The following CHCHD3 variants were observed in gnomAD, a reference collection of about 807,000 sequenced individuals.
CHCHD3 encodes the protein coiled-coil-helix-coiled-coil-helix domain containing 3, also known as MICOS complex subunit MIC19.
CHCHD3 carries 20 observed loss-of-function variants against 38.2 expected under a neutral mutation model. The observed-to-expected ratio is 0.52, with a 90% CI of 0.37 to 0.76. The LOEUF (loss-of-function observed/expected upper bound fraction) is 0.76, where lower values mean the gene tolerates loss of function less well. Ranked by LOEUF, CHCHD3 falls within the 30% of genes least tolerant of loss-of-function variation. The pLI is 0.00. For missense variants in CHCHD3, 245 were observed against 279.2 expected (o/e 0.88, Z 0.87); for synonymous variants, 82 against 100.0 (o/e 0.82, Z 1.07).
At chr7:132,799,442 G>A (rs1400336268) in intron 6 of CHCHD3, among the ~76,000 whole-genome samples, 5 of 152,156 alleles carry the variant, frequency 3.3e-5, no homozygotes, top group Admixed American at 6.5e-5. Flanking sequence ...CATTCCTGCT[G>A]ATGGAAAAAG....
At chr7:132,897,205 A>G (rs1809522833) in intron 4 of CHCHD3, among the ~76,000 whole-genome samples, 1 of 152,216 alleles carries the variant, frequency 6.6e-6, no homozygotes, top group African/African-American at 2.4e-5. Context: ...TTTACCATGG[A>G]GATTAAAAAT....
intron 5 of CHCHD3, among the ~76,000 whole-genome samples, chr7:132,882,461 CTATATATATATATATATATATATATATA>C: frequency 7.4e-6 from 1 of 135,038 alleles, no homozygotes; most frequent in African/African-American, 2.7e-5. Context: ...ACAATATATT[CTATATATATATATATATATATATATATA>C]TATATATATA....
chr7:132,987,577 G>A (rs1812154262), intron 3 of CHCHD3, among the ~76,000 whole-genome samples: 1 of 152,208 alleles, frequency 6.6e-6, no homozygotes, highest in African/African-American at 2.4e-5. Context: ...ACGATGAGAA[G>A]ATGTAGAAGA....
At chr7:132,830,820 C>T (rs914944494) in intron 6 of CHCHD3, 3 of 152,126 alleles carry the variant, frequency 2.0e-5, no homozygotes, top group African/African-American at 4.8e-5. Context: ...CTTCTAAAGA[C>T]GTAATTGTAA....
chr7:132,930,513 T>C (rs1810488707), intron 4 of CHCHD3, among the ~76,000 whole-genome samples: 1 of 152,148 alleles, frequency 6.6e-6, no homozygotes, highest in Non-Finnish European at 1.5e-5. Flanking sequence ...CTCCCACATA[T>C]AATCTCATCA....
At chr7:132,923,533 G>C (rs989581303) in intron 4 of CHCHD3, among the ~76,000 whole-genome samples, 1 of 151,902 alleles carries the variant, frequency 6.6e-6, no homozygotes, top group Non-Finnish European at 1.5e-5. Context: ...CGTTGAATAA[G>C]ATTTTTTCAA....
At chr7:133,054,262 T>C (rs1814249172) in intron 2 of CHCHD3, among the ~76,000 whole-genome samples, 1 of 152,188 alleles carries the variant, frequency 6.6e-6, no homozygotes, top group Admixed American at 6.5e-5. Flanking sequence ...TGTCCAAATA[T>C]ATCCAACAAC....
At chr7:133,039,607 T>G (rs551629019) in intron 2 of CHCHD3, among the ~76,000 whole-genome samples, 9 of 152,342 alleles carry the variant, frequency 5.9e-5, no homozygotes, top group African/African-American at 1.4e-4. Context: ...TTTTCCGCAC[T>G]TGAAGTCTTG....
At chr7:132,973,669 T>C (rs1478419251) in intron 4 of CHCHD3, 2 of 1,025,168 alleles carry the variant, frequency 2.0e-6, no homozygotes, top group African/African-American at 3.4e-5. Flanking sequence ...GATTTGTCAC[T>C]GAAGAAACTG....
At chr7:132,853,092 C>G (rs559750663) in intron 5 of CHCHD3, among the ~76,000 whole-genome samples, 1 of 152,284 alleles carries the variant, frequency 6.6e-6, no homozygotes, top group South Asian at 2.1e-4. Context: ...AAAATACGCA[C>G]CTCTCATAAA....
chr7:133,055,526 C>T (rs1814300303), intron 2 of CHCHD3, among the ~76,000 whole-genome samples: 1 of 144,084 alleles, frequency 6.9e-6, no homozygotes. Flanking sequence ...ATAATTGTTA[C>T]ATATTTAATT....
intron 4 of CHCHD3, among the ~76,000 whole-genome samples, chr7:132,936,074 T>C (rs1189399867): frequency 6.6e-6 from 1 of 152,136 alleles, no homozygotes; most frequent in Non-Finnish European, 1.5e-5. Context: ...TAAATTTTGA[T>C]GTGAGTTTTA....
chr7:132,963,253 C>T (rs907381513), intron 4 of CHCHD3, among the ~76,000 whole-genome samples: 2 of 145,696 alleles, frequency 1.4e-5, no homozygotes, highest in Admixed American at 6.9e-5. Flanking sequence ...TTGTACTATT[C>T]TTACAACTTT....
At chr7:133,001,154 G>T (rs542701545) in intron 3 of CHCHD3, among the ~76,000 whole-genome samples, 1 of 152,214 alleles carries the variant, frequency 6.6e-6, no homozygotes, top group South Asian at 2.1e-4. Flanking sequence ...CTCAATCCTT[G>T]CATGTTACCT....
intron 5 of CHCHD3, among the ~76,000 whole-genome samples, chr7:132,860,776 G>T (rs1350942791): frequency 6.6e-6 from 1 of 152,052 alleles, no homozygotes; most frequent in African/African-American, 2.4e-5. Context: ...ACAGGTGCAT[G>T]CCACACCTGG....
intron 5 of CHCHD3, among the ~76,000 whole-genome samples, chr7:132,854,814 T>C (rs1266446798): frequency 2.6e-5 from 4 of 152,160 alleles, no homozygotes; most frequent in Non-Finnish European, 5.9e-5. Flanking sequence ...TGAGATGTAC[T>C]CTAACATTCA....
At chr7:132,925,120 T>G (rs1228836599) in intron 4 of CHCHD3, among the ~76,000 whole-genome samples, 1 of 151,680 alleles carries the variant, frequency 6.6e-6, no homozygotes, top group Non-Finnish European at 1.5e-5. Flanking sequence ...AAAAATAAAT[T>G]CTCAAAACAC....
At chr7:133,037,682 G>A (rs1302577404) in intron 2 of CHCHD3, among the ~76,000 whole-genome samples, 1 of 152,066 alleles carries the variant, frequency 6.6e-6, no homozygotes, top group Non-Finnish European at 1.5e-5. Flanking sequence ...GCGTGGTGGT[G>A]CACACCTGTA....
At chr7:132,842,098 G>C (rs553881713) in intron 5 of CHCHD3, among the ~76,000 whole-genome samples, 3 of 150,838 alleles carry the variant, frequency 2.0e-5, no homozygotes, top group African/African-American at 7.3e-5. Flanking sequence ...ACTCCATCTC[G>C]AGAAAAAAAA....
Sources: allele counts gnomAD v4.1 joint callset (sites outside exome capture counted in the v4.1 genomes callset), GRCh38; gene constraint gnomAD v4.1.1; transcripts MANE v1.5; gene names NCBI Gene and HGNC (gene_info 2026-07-23, HGNC 2026-07-21).